Variants in PPARGC1A observed in about 807,000 individuals in gnomAD.
PPARGC1A encodes the protein PPARG coactivator 1 alpha.
PPARGC1A carries 25 observed loss-of-function variants against 88.7 expected under a neutral mutation model. The ratio of observed to expected loss-of-function variants is 0.28; its 90% CI spans 0.21 to 0.39. The LOEUF is 0.39. PPARGC1A is among the 10% of genes least tolerant of loss of function. PPARGC1A has a pLI of 1.00. For missense variants in PPARGC1A, 880 were observed against 968.7 expected (o/e 0.91, Z 1.22); for synonymous variants, 363 against 355.6 (o/e 1.02, Z -0.24).
At chr4:23,816,011 T>A (rs1721925118) in intron 7 of PPARGC1A, among the ~76,000 whole-genome samples, 1 of 152,186 alleles carries the variant, frequency 6.6e-6, no homozygotes, top group South Asian at 2.1e-4. Flanking sequence ...TCCTACTTTA[T>A]AATTAAGAAA....
At chr4:23,816,525 T>C (rs1722014714) in intron 7 of PPARGC1A, among the ~76,000 whole-genome samples, 1 of 147,984 alleles carries the variant, frequency 6.8e-6, no homozygotes, top group South Asian at 2.1e-4. Context: ...AATTACCACT[T>C]GCAATTCCCA....
chr4:24,141,220 T>C, the PPARGC1A span, among the ~76,000 whole-genome samples: 6 of 152,236 alleles, frequency 3.9e-5, no homozygotes, highest in Admixed American at 6.5e-5. Context: ...GCTCATGAGA[T>C]GGCAGGTGCA....
chr4:24,394,731 T>C, the PPARGC1A span, among the ~76,000 whole-genome samples: 1 of 152,192 alleles, frequency 6.6e-6, no homozygotes, highest in Admixed American at 6.5e-5. Flanking sequence ...ATGCTATCAA[T>C]TGTGAGATGC....
the PPARGC1A span, among the ~76,000 whole-genome samples, chr4:24,265,113 A>G: frequency 2.0e-5 from 3 of 152,188 alleles, no homozygotes; most frequent in African/African-American, 7.2e-5. Flanking sequence ...TATTCTATGG[A>G]AAAGACTTTG....
the PPARGC1A span, among the ~76,000 whole-genome samples, chr4:24,206,840 TAAAAAAAAAAAAAAAAAAAAAAA>T: frequency 2.3e-5 from 1 of 43,648 alleles, no homozygotes; most frequent in Non-Finnish European, 4.5e-5. Context: ...GACTTCACCT[TAAAAAAAAAAAAAAAAAAAAAAA>T]AAAAAAAAAA....
chr4:24,056,692 G>A, the PPARGC1A span, among the ~76,000 whole-genome samples: 3 of 152,144 alleles, frequency 2.0e-5, no homozygotes, highest in Admixed American at 1.3e-4. Context: ...TCTGTAAAAT[G>A]AGGAATATAA....
chr4:24,327,418 GTAAA>G, the PPARGC1A span, among the ~76,000 whole-genome samples: 10 of 152,178 alleles, frequency 6.6e-5, no homozygotes, highest in African/African-American at 2.2e-4. Context: ...AACTCTTGAA[GTAAA>G]TAAATAATCT....
the PPARGC1A span, among the ~76,000 whole-genome samples, chr4:23,925,857 A>T: frequency 1.1e-3 from 172 of 152,192 alleles, 1 homozygote; most frequent in African/African-American, 3.3e-3. Context: ...AGAGAAAAAA[A>T]TTTTTTTAAA....
At chr4:24,019,611 A>G in the PPARGC1A span, among the ~76,000 whole-genome samples, 2 of 152,340 alleles carry the variant, frequency 1.3e-5, no homozygotes, top group East Asian at 3.9e-4. Flanking sequence ...GAGTTTTCCC[A>G]GCACTGTCCA....
At chr4:24,064,437 G>C in the PPARGC1A span, among the ~76,000 whole-genome samples, 2 of 152,048 alleles carry the variant, frequency 1.3e-5, no homozygotes, top group Non-Finnish European at 2.9e-5. Context: ...CCATTGCCCT[G>C]GATGCACACC....
At chr4:23,820,538 C>A in intron 7 of PPARGC1A, 1 of 360,314 alleles carries the variant, frequency 2.8e-6, no homozygotes, top group South Asian at 2.1e-5. Flanking sequence ...CTGAAAATCT[C>A]CATATGCAAT....
chr4:24,073,809 G>A, the PPARGC1A span, among the ~76,000 whole-genome samples: 5 of 152,192 alleles, frequency 3.3e-5, no homozygotes, highest in Non-Finnish European at 7.4e-5. Context: ...GACTAGCACT[G>A]CACTGGCCTC....
At chr4:24,141,265 C>T in the PPARGC1A span, among the ~76,000 whole-genome samples, 1 of 152,256 alleles carries the variant, frequency 6.6e-6, no homozygotes. Context: ...CTTGGCCAAG[C>T]GGCCTCAGGT....
chr4:24,051,997 C>A, the PPARGC1A span, among the ~76,000 whole-genome samples: 1 of 149,428 alleles, frequency 6.7e-6, no homozygotes, highest in African/African-American at 2.5e-5. Flanking sequence ...AATAACTACT[C>A]CAGGGTTGGG....
chr4:24,314,534 A>G, the PPARGC1A span, among the ~76,000 whole-genome samples: 1 of 152,140 alleles, frequency 6.6e-6, no homozygotes, highest in African/African-American at 2.4e-5. Flanking sequence ...AGCAACTCCT[A>G]TTGTTTACAA....
chr4:24,204,040 G>A, the PPARGC1A span, among the ~76,000 whole-genome samples: 1 of 152,168 alleles, frequency 6.6e-6, no homozygotes, highest in African/African-American at 2.4e-5. Flanking sequence ...CTGAAAATGA[G>A]ATAAAAGTCA....
At chr4:24,139,596 C>T in the PPARGC1A span, among the ~76,000 whole-genome samples, 3 of 152,172 alleles carry the variant, frequency 2.0e-5, no homozygotes, top group Non-Finnish European at 4.4e-5. Context: ...AGTGAGAAAT[C>T]CGCAGAATCT....
At chr4:24,142,348 G>A in the PPARGC1A span, among the ~76,000 whole-genome samples, 4 of 152,260 alleles carry the variant, frequency 2.6e-5, no homozygotes, top group East Asian at 7.7e-4. Flanking sequence ...GTGGTGAAAG[G>A]AGAAATAAGA....
the PPARGC1A span, among the ~76,000 whole-genome samples, chr4:24,204,716 T>C: frequency 6.6e-6 from 1 of 152,152 alleles, no homozygotes. Flanking sequence ...TGCACTTACC[T>C]CTGTGTACCA....
Sources: gnomAD v4.1 joint callset for allele counts (sites outside exome capture counted in the v4.1 genomes callset) on GRCh38, gnomAD v4.1.1 for gene constraint, MANE v1.5 for transcripts, NCBI Gene and HGNC (gene_info 2026-07-23, HGNC 2026-07-21) for gene names.